FOXN1: variants seen among roughly 807,000 people sequenced by gnomAD.
The protein encoded by FOXN1 is forkhead box N1, also known as forkhead box protein N1.
Under a neutral mutation model 49.0 loss-of-function variants are expected in FOXN1, and 15 were observed. The ratio of observed to expected loss-of-function variants is 0.31; its 90% CI spans 0.20 to 0.47. FOXN1 has a LOEUF of 0.47. Ranked by LOEUF, FOXN1 falls within the 20% of genes least tolerant of loss-of-function variation. The pLI, the probability that FOXN1 is intolerant of heterozygous loss-of-function variation, is 1.00. For missense variants in FOXN1, 800 were observed against 842.8 expected (o/e 0.95, Z 0.63); for synonymous variants, 356 against 369.0 (o/e 0.96, Z 0.40).
chr17:28,509,746 C>T (rs113794641), intron 1 of FOXN1, among the ~76,000 whole-genome samples: 59 of 152,306 alleles, frequency 3.9e-4, no homozygotes, highest in African/African-American at 1.3e-3. Flanking sequence ...GGCAGTGAAG[C>T]GGGGATGGAG....
intron 6 of FOXN1, among the ~76,000 whole-genome samples, chr17:28,531,475 G>A (rs1327573835): frequency 6.6e-6 from 1 of 152,150 alleles, no homozygotes; most frequent in Non-Finnish European, 1.5e-5. Context: ...TCCCTCTCTA[G>A]AGGCAGGACA....
In FOXN1 at chr17:28,537,464, G is replaced by A. The variant is rs775370626; in HGVS notation, c.*28G>A. On this transcript the variant is annotated 3_prime_UTR_variant, in exon 9 of 9. Coordinates refer to ENST00000579795, the MANE Select transcript of FOXN1 (RefSeq NM_001369369.1). ...TGTGCCCAGCTTCGTCAGCTCCAGCGTTTGCCTGGTCTGGAAGTCCTGGCC... is the reference window on the plus strand; with the variant it reads ...TGTGCCCAGCTTCGTCAGCTCCAGCATTTGCCTGGTCTGGAAGTCCTGGCC... 36 of 1,578,888 alleles carry A rather than the reference G, an allele frequency of 2.3e-5. No individual in the cohort carries two copies. The highest frequency in any genetic ancestry group is 1.6e-4 in the South Asian group (14 of 90,282).
At position 28,527,991 on chromosome 17, in the gene FOXN1, C is replaced by A. The variant is rs998350902; in HGVS notation, c.699+630C>A. Among the ~76,000 whole-genome samples, 3 of 152,238 alleles carry A rather than the reference C, an allele frequency of 2.0e-5. No individual in the cohort carries two copies. In the East Asian group the frequency reaches 5.8e-4, roughly 29 times the overall value. On this transcript the variant is annotated intron_variant, in intron 4 of 8. Coordinates refer to ENST00000579795, the MANE Select transcript of FOXN1 (RefSeq NM_001369369.1). ...AAGGAGAAAGAAAAGAGCCCCAGAG[C>A]AGCCAGGCAGCTCCCAGGAGTCACC...
chr17:28,515,668 G>A (rs929321891), intron 1 of FOXN1, among the ~76,000 whole-genome samples: 22 of 151,054 alleles, frequency 1.5e-4, no homozygotes, highest in African/African-American at 4.9e-4. Flanking sequence ...ACCTCCACAG[G>A]GTATACAGTT....
rs746183272 is a variant in FOXN1, at chr17:28,524,947, G to A, written c.568G>A (p.Glu190Lys). 4.3e-6 allele frequency: 7 copies of A among 1,611,234 alleles called. No homozygotes were observed. Among genetic ancestry groups the A allele is most frequent in the Non-Finnish European group, 5.9e-6 (7 of 1,179,808 alleles). ...TAACGGGCTCCCCTACCCCAGCCAG[G>A]AGCATGGCCCCCAAGTCCTGGTGAG... ...WCNGLPYPSQ[E>K]HGPQVLGSEV... The change falls in exon 3 of 9, where the codon GAG (glutamate) becomes AAG (lysine). Residue 190 changes from glutamate to lysine, a missense_variant. Physicochemically the swap from Glu to Lys is moderately conservative, Grantham distance 56 (BLOSUM62 1). Transcript: ENST00000579795.
At chr17:28,510,002 T>C (rs112234456) in intron 1 of FOXN1, among the ~76,000 whole-genome samples, 3 of 152,012 alleles carry the variant, frequency 2.0e-5, no homozygotes, top group African/African-American at 7.3e-5. Context: ...TTGGGGAACT[T>C]GACTGGAGAG....
chr17:28,521,821 T>C (rs540989129), intron 1 of FOXN1, among the ~76,000 whole-genome samples: 1 of 152,330 alleles, frequency 6.6e-6, no homozygotes, highest in African/African-American at 2.4e-5. Flanking sequence ...TTATTGATGG[T>C]TTATTCAGCA....
At position 28,534,969 on chromosome 17, in the gene FOXN1, A is replaced by G; in HGVS notation, c.1398A>G (p.Gly466=). 1 of 1,613,356 alleles carries G rather than the reference A, an allele frequency of 6.2e-7. No homozygotes were observed. Among genetic ancestry groups the G allele is most frequent in the Non-Finnish European group, 8.5e-7 (1 of 1,179,860 alleles). The change falls in exon 8 of 9, where the codon GGA becomes GGG. Residue 466 remains glycine (G), a synonymous_variant. Coordinates refer to ENST00000579795, the MANE Select transcript of FOXN1 (RefSeq NM_001369369.1). This position sits in a 1 kb window ranked among gnomAD's most constrained non-coding sequence, Gnocchi z 4.1. ...TCTCACCAGGCCTGGCCCCTCCTGGACCCCCGCAGCCATTGTTCCCACAGC... is the reference window on the plus strand; with the variant it reads ...TCTCACCAGGCCTGGCCCCTCCTGGGCCCCCGCAGCCATTGTTCCCACAGC... ...LHLSPGLAPP[G]PPQPLFPQPD... is the part of the protein sequence containing the mutation.
intron 1 of FOXN1, among the ~76,000 whole-genome samples, chr17:28,519,293 T>C (rs1281640805): frequency 1.3e-5 from 2 of 151,340 alleles, no homozygotes; most frequent in East Asian, 3.9e-4. Context: ...ATTGTGCCAC[T>C]GCACTCCAGC....
intron 1 of FOXN1, among the ~76,000 whole-genome samples, chr17:28,522,553 A>C (rs1416434055): frequency 6.6e-6 from 1 of 152,244 alleles, no homozygotes; most frequent in African/African-American, 2.4e-5. Flanking sequence ...AGGCTGAGGC[A>C]GGAAAATCAC....
intron 5 of FOXN1, 138 bp downstream of exon 5, chr17:28,529,362 G>GGA (rs1317772461): frequency 1.9e-6 from 2 of 1,076,238 alleles, no homozygotes; most frequent in Admixed American, 3.7e-5. Flanking sequence ...AGAAGATGCT[G>GGA]GAGAGAGGGT....
chr17:28,510,919 A>T (rs2069382787), intron 1 of FOXN1, among the ~76,000 whole-genome samples: 1 of 152,240 alleles, frequency 6.6e-6, no homozygotes, highest in South Asian at 2.1e-4. Context: ...AGGGAGAAAG[A>T]TGGCAGCTGG....
rs532583841 is a variant in FOXN1 at position 28,526,297 on chromosome 17, A to G, written c.589-954A>G. Among the ~76,000 whole-genome samples, 11 of 152,324 alleles carry G rather than the reference A, an allele frequency of 7.2e-5. No individual in the cohort carries two copies. The East Asian group carries it at 1.9e-3, about 27-fold the overall frequency. On this transcript the variant is annotated intron_variant, in intron 3 of 8. Coordinates refer to ENST00000579795, the MANE Select transcript of FOXN1 (RefSeq NM_001369369.1). ...TTGGCCCTTCTAGGCCCGAGATTCT[A>G]TGATTATGGCAATCTCTGCATCAAC...
At chr17:28,528,231 G>GCATGAGAGGACAT (rs1195739207) in intron 4 of FOXN1, among the ~76,000 whole-genome samples, 2 of 152,328 alleles carry the variant, frequency 1.3e-5, no homozygotes, top group African/African-American at 2.4e-5. Flanking sequence ...CAAAGAGAAG[G>GCATGAGAGGACAT]CATGAGAGGA....
In FOXN1 at chr17:28,537,402, T is replaced by A; in HGVS notation, c.1913T>A (p.Leu638His). ...PTAPAGPSVY[L>H]SPSSKPVALA ...GCCCCTGCAGGCCCCTCTGTGTACC[T>A]CAGCCCCAGCTCCAAGCCCGTGGCC... The change falls in exon 9 of 9, where the codon CTC becomes CAC. Residue 638 changes from leucine (L) to histidine (H), a missense_variant. Leu to His is a moderately conservative substitution (Grantham distance 99). Around this residue, in one of 3 missense-constraint regions of FOXN1, gnomAD observed 344 missense variants for 366.1 expected, o/e 0.94. Coordinates refer to ENST00000579795, the MANE Select transcript of FOXN1 (RefSeq NM_001369369.1). 6.2e-7 allele frequency: 1 copy of A among 1,613,106 alleles called. No individual in the cohort carries two copies. The highest frequency in any genetic ancestry group is 1.1e-5 in the South Asian group (1 of 91,070).
At position 28,524,712 on chromosome 17, in the gene FOXN1, C is replaced by A; in HGVS notation, c.333C>A (p.Ser111Arg). ...GFGFEEAAASSPGRFLKGSHA... is the reference protein window; with the variant it reads ...GFGFEEAAASRPGRFLKGSHA... ...GCTTTGAGGAGGCCGCAGCAAGCAGCCCTGGGCGATTCCTCAAGGGCAGCC... is the reference window on the plus strand; with the variant it reads ...GCTTTGAGGAGGCCGCAGCAAGCAGACCTGGGCGATTCCTCAAGGGCAGCC... The change falls in exon 3 of 9, where the codon AGC (serine) becomes AGA (arginine). Residue 111 changes from serine to arginine, a missense_variant. Physicochemically the swap from Ser to Arg is moderately radical, Grantham distance 110. Coordinates refer to ENST00000579795, the MANE Select transcript of FOXN1 (RefSeq NM_001369369.1). 6.2e-7 allele frequency: 1 copy of A among 1,612,580 alleles called. No homozygotes were observed. Among genetic ancestry groups the A allele is most frequent in the Middle Eastern group, 1.6e-4 (1 of 6,062 alleles).
chr17:28,537,140 G>A lies in FOXN1; in HGVS notation c.1651G>A (p.Asp551Asn), dbSNP rs757413677. 2 of 1,614,082 alleles carry A rather than the reference G, an allele frequency of 1.2e-6. No individual in the cohort carries two copies. The highest frequency in any genetic ancestry group is 2.2e-5 in the South Asian group (2 of 91,080). ...AGGAAACCTGTGGGAACAGTTGAAGGATGATAGCTTGGCCCTCGACCCCCT... is the reference window on the plus strand; with the variant it reads ...AGGAAACCTGTGGGAACAGTTGAAGAATGATAGCTTGGCCCTCGACCCCCT... ...FQGNLWEQLK[D>N]DSLALDPLVL... Residue 551 changes from aspartate (D) to asparagine (N), a missense_variant, in exon 9 of 9, where the codon GAT becomes AAT. Around this residue, in one of 3 missense-constraint regions of FOXN1, gnomAD observed 344 missense variants for 366.1 expected, o/e 0.94. Transcript: ENST00000579795.
intron 1 of FOXN1, among the ~76,000 whole-genome samples, chr17:28,518,690 G>A (rs1410006693): frequency 6.6e-6 from 1 of 152,202 alleles, no homozygotes; most frequent in Non-Finnish European, 1.5e-5. Context: ...GCAGGCGGAA[G>A]GTGGCCAGAA....
At chr17:28,525,114 A>G (rs2069738191) in intron 3 of FOXN1, 147 bp downstream of exon 3, 1 of 712,110 alleles carries the variant, frequency 1.4e-6, no homozygotes, top group Non-Finnish European at 2.4e-6. Flanking sequence ...CCTCCTGGTC[A>G]GCTGGGGAGG....
Sources: gnomAD v4.1 joint callset for allele counts (sites outside exome capture counted in the v4.1 genomes callset) on GRCh38, gnomAD v4.1.1 for gene constraint, gnomAD v4.1.1 regional missense constraint, Gnocchi (gnomAD v3.1) non-coding constraint, MANE v1.5 for transcripts, NCBI Gene and HGNC (gene_info 2026-07-23, HGNC 2026-07-21) for gene names.